Variants in TBC1D22A observed in about 807,000 individuals in gnomAD.
TBC1D22A encodes putative GTPase activator.
Under a neutral mutation model 60.2 loss-of-function variants are expected in TBC1D22A, and 38 were observed. That is an observed-to-expected ratio of 0.63 (90% CI 0.49 to 0.83). The LOEUF (loss-of-function observed/expected upper bound fraction) is 0.83, where lower values mean the gene tolerates loss of function less well. Ranked by LOEUF, TBC1D22A falls within the 40% of genes least tolerant of loss-of-function variation. The pLI is 0.00. For missense variants in TBC1D22A, 628 were observed against 701.0 expected (o/e 0.90, Z 1.18); for synonymous variants, 302 against 281.7 (o/e 1.07, Z -0.72).
chr22:47,044,946 G>T (rs1346825795), intron 11 of TBC1D22A, among the ~76,000 whole-genome samples: 1 of 152,228 alleles, frequency 6.6e-6, no homozygotes, highest in Non-Finnish European at 1.5e-5. Context: ...GCGTGCTCCA[G>T]CACCTTTGGG....
chr22:46,786,584 TATTA>T (rs907516997), intron 1 of TBC1D22A, among the ~76,000 whole-genome samples: 18 of 152,380 alleles, frequency 1.2e-4, no homozygotes, highest in African/African-American at 4.1e-4. Context: ...GAAGAATTGG[TATTA>T]ATTCTTCTTT....
At chr22:47,054,965 C>T (rs1018918046) in intron 11 of TBC1D22A, among the ~76,000 whole-genome samples, 3 of 152,196 alleles carry the variant, frequency 2.0e-5, no homozygotes, top group Non-Finnish European at 4.4e-5. Context: ...CCAGCATGGC[C>T]CTGGGTCAGA....
rs1286569695 is a variant in TBC1D22A, at chr22:47,009,318, T to C, written c.1201+11609T>C. On this transcript the variant is annotated intron_variant, in intron 10 of 12. Transcript: ENST00000337137. The surrounding 1 kb of genome is among the most constrained non-coding windows in gnomAD (Gnocchi z 5.8). ...ATAAACACCATCATCACCACCATCA[T>C]GTCATCATCACCATCATTATGTCAT... Among the ~76,000 whole-genome samples the C allele has an allele frequency of 6.6e-6, 1 of 151,440 alleles. No homozygotes were observed. The highest frequency in any genetic ancestry group is 1.5e-5 in the Non-Finnish European group (1 of 67,908).
intron 11 of TBC1D22A, among the ~76,000 whole-genome samples, chr22:47,100,960 T>C (rs1277718642): frequency 6.6e-6 from 1 of 152,142 alleles, no homozygotes; most frequent in Admixed American, 6.5e-5. Context: ...TTCTGTGAGC[T>C]TGCCAGGATC....
chr22:47,017,293 A>G (rs372171157), intron 10 of TBC1D22A, among the ~76,000 whole-genome samples: 64 of 152,316 alleles, frequency 4.2e-4, no homozygotes, highest in African/African-American at 1.4e-3. Flanking sequence ...GAGACGGTCC[A>G]TGCAGGGAGA....
chr22:47,156,797 C>T (rs143368431), intron 12 of TBC1D22A, among the ~76,000 whole-genome samples: 88 of 152,342 alleles, frequency 5.8e-4, no homozygotes, highest in African/African-American at 2.0e-3. Context: ...CTTCTCCGGC[C>T]CCTCAGCTGC....
chr22:47,019,803 C>A (rs888161146), intron 10 of TBC1D22A, among the ~76,000 whole-genome samples: 1 of 151,472 alleles, frequency 6.6e-6, no homozygotes, highest in Non-Finnish European at 1.5e-5. Flanking sequence ...TCTGCCTTAA[C>A]CCTCCATCCT....
intron 11 of TBC1D22A, among the ~76,000 whole-genome samples, chr22:47,083,348 G>GACACACAC (rs10549216): frequency 1.9e-4 from 28 of 148,672 alleles, no homozygotes; most frequent in South Asian, 4.3e-4. Flanking sequence ...ATACTTAGAA[G>GACACACAC]ACACACACAC....
chr22:46,766,513 A>G (rs527549169), intron 1 of TBC1D22A, among the ~76,000 whole-genome samples: 2 of 152,250 alleles, frequency 1.3e-5, no homozygotes, highest in African/African-American at 4.8e-5. Context: ...ATACAAGACT[A>G]GTAAGGGATC....
At chr22:47,052,372 G>T (rs1308526558) in intron 11 of TBC1D22A, among the ~76,000 whole-genome samples, 2 of 152,188 alleles carry the variant, frequency 1.3e-5, no homozygotes, top group African/African-American at 4.8e-5. Flanking sequence ...CAGGCACAGC[G>T]GGCGAGCCTG....
chr22:47,099,825 C>G (rs747704406), intron 11 of TBC1D22A, among the ~76,000 whole-genome samples: 1 of 152,204 alleles, frequency 6.6e-6, no homozygotes, highest in Non-Finnish European at 1.5e-5. Context: ...TCCACACCAC[C>G]CTCCAGGGTG....
chr22:46,808,643 A>G (rs1733109535), intron 4 of TBC1D22A, among the ~76,000 whole-genome samples: 1 of 151,920 alleles, frequency 6.6e-6, no homozygotes, highest in African/African-American at 2.4e-5. Context: ...TGCCCAGGCC[A>G]GAGTGCAGTG....
intron 5 of TBC1D22A, among the ~76,000 whole-genome samples, chr22:46,882,603 G>A (rs1250169310): frequency 1.3e-5 from 2 of 152,208 alleles, no homozygotes; most frequent in Admixed American, 1.3e-4. Context: ...TTGGAGGAGA[G>A]AGGCTGAGTG....
At chr22:46,970,716 A>G (rs1054529685) in intron 8 of TBC1D22A, among the ~76,000 whole-genome samples, 5 of 152,186 alleles carry the variant, frequency 3.3e-5, no homozygotes, top group Non-Finnish European at 5.9e-5. Context: ...GGTGTTGGCC[A>G]TCTCCGAGTC....
At chr22:47,151,044 G>A (rs1251204781) in intron 12 of TBC1D22A, among the ~76,000 whole-genome samples, 1 of 152,162 alleles carries the variant, frequency 6.6e-6, no homozygotes, top group Admixed American at 6.5e-5. Context: ...CAGAGAGGAT[G>A]TGGGATCCGC....
chr22:47,121,612 A>T (rs2066273226), intron 12 of TBC1D22A, among the ~76,000 whole-genome samples: 1 of 152,194 alleles, frequency 6.6e-6, no homozygotes, highest in Non-Finnish European at 1.5e-5. Context: ...CTTCTATTCC[A>T]CGCGTGGACA....
At chr22:47,072,543 T>C (rs1414650365) in intron 11 of TBC1D22A, among the ~76,000 whole-genome samples, 1 of 152,212 alleles carries the variant, frequency 6.6e-6, no homozygotes, top group Non-Finnish European at 1.5e-5. Context: ...CCATGCCTTA[T>C]GCACTTGGCC....
At chr22:46,767,891 T>C (rs1400578793) in intron 1 of TBC1D22A, among the ~76,000 whole-genome samples, 3 of 151,954 alleles carry the variant, frequency 2.0e-5, no homozygotes, top group Non-Finnish European at 4.4e-5. Context: ...GGGTGCGTCA[T>C]GAAAGGTGGT....
At chr22:46,850,334 G>A (rs2087212946) in intron 4 of TBC1D22A, among the ~76,000 whole-genome samples, 1 of 152,198 alleles carries the variant, frequency 6.6e-6, no homozygotes, top group Non-Finnish European at 1.5e-5. Flanking sequence ...GGCTGTGTGT[G>A]TGTGCGTGTG....
Sources: gnomAD v4.1 joint callset for allele counts (sites outside exome capture counted in the v4.1 genomes callset) on GRCh38, gnomAD v4.1.1 for gene constraint, Gnocchi (gnomAD v3.1) non-coding constraint, MANE v1.5 for transcripts, NCBI Gene and HGNC (gene_info 2026-07-23, HGNC 2026-07-21) for gene names.